CACNA1A: variants seen among roughly 807,000 people sequenced by gnomAD.
CACNA1A encodes calcium voltage-gated channel subunit alpha1 A.
A neutral mutation model predicts 262.4 loss-of-function variants in CACNA1A; 57 were observed. The observed-to-expected ratio is 0.22, with a 90% CI of 0.18 to 0.27. The LOEUF is 0.27. Ranked by LOEUF, CACNA1A falls within the 10% of genes least tolerant of loss-of-function variation. CACNA1A has a pLI of 1.00. For synonymous variants in CACNA1A, 1,431 were observed against 1,419.3 expected (o/e 1.01, Z -0.18); for missense variants, 2,526 against 3,562.8 (o/e 0.71, Z 7.41).
intron 6 of CACNA1A, among the ~76,000 whole-genome samples, chr19:13,340,942 C>CA (rs1193213351): frequency 6.6e-6 from 1 of 152,112 alleles, no homozygotes; most frequent in Non-Finnish European, 1.5e-5. Flanking sequence ...CACAGTGGCT[C>CA]ACATCTGCAG....
chr19:13,304,446 T>C (rs1171757693), intron 15 of CACNA1A, among the ~76,000 whole-genome samples: 1 of 151,754 alleles, frequency 6.6e-6, no homozygotes, highest in African/African-American at 2.4e-5. Flanking sequence ...CTGGGCAATA[T>C]AGCAAGACCC....
At chr19:13,379,489 G>A (rs1468118191) in intron 3 of CACNA1A, among the ~76,000 whole-genome samples, 3 of 152,156 alleles carry the variant, frequency 2.0e-5, no homozygotes, top group African/African-American at 4.8e-5. Flanking sequence ...TTAGGGCGAT[G>A]AGTGCTTAGG....
rs1488642116 is a variant in CACNA1A at position 13,241,650 on chromosome 19, C to T, written c.4950+3532G>A. On this transcript the variant is annotated intron_variant, in intron 31 of 46. Transcript: ENST00000360228. This position sits in a 1 kb window ranked among gnomAD's most constrained non-coding sequence, Gnocchi z 4.0. The stretch of plus-strand genomic sequence containing the variant: ...AAACCAATGGGTTTCGGTTCCCGGG[C>T]GGGGAGTGGGGGTGGTGGTGGCGGT... The T allele has an allele frequency of 1.6e-4, 53 of 322,920 alleles. 1 individual carries two copies. The East Asian group carries it at 2.1e-3, about 13-fold the overall frequency. 20.0% of individuals were successfully genotyped at this position (322,920 alleles called of 1,614,324 possible).
Position 13,298,616 on chromosome 19 carries a change from C to T in CACNA1A, c.3017G>A (p.Arg1006Gln), listed in dbSNP as rs1268938831. Residue 1006 changes from arginine (R) to glutamine (Q), a missense_variant, in exon 19 of 47, where the codon CGG (arginine) becomes CAG (glutamine). By Grantham distance (43) the Arg-to-Gln change is conservative. This residue lies in a region of CACNA1A where 765 missense variants were observed against 748.6 expected (regional missense o/e 1.02). Transcript: ENST00000360228. ...PDGGERRRRHRHGAPATYEGD... is the reference protein window; with the variant it reads ...PDGGERRRRHQHGAPATYEGD... The stretch of plus-strand genomic sequence containing the variant: ...CTCGTACGTGGCTGGAGCGCCATGC[C>T]GGTGCCTTCTCCTGCGCTCGCCCCC... 7 of 1,535,642 alleles carry T rather than the reference C, an allele frequency of 4.6e-6. No homozygotes were observed. The highest frequency in any genetic ancestry group is 2.0e-5 in the Admixed American group (1 of 49,774).
At chr19:13,499,132 G>C (rs1468227725) in intron 1 of CACNA1A, among the ~76,000 whole-genome samples, 1 of 151,998 alleles carries the variant, frequency 6.6e-6, no homozygotes, top group Admixed American at 6.6e-5. Context: ...TGGACACCTG[G>C]GGTGGCCATC....
At chr19:13,376,420 T>C (rs1478965354) in intron 3 of CACNA1A, among the ~76,000 whole-genome samples, 2 of 152,038 alleles carry the variant, frequency 1.3e-5, no homozygotes, top group Non-Finnish European at 2.9e-5. Context: ...TTAAGAATTA[T>C]GCTGAATCTA....
intron 38 of CACNA1A, among the ~76,000 whole-genome samples, chr19:13,215,915 G>A (rs1308385564): frequency 6.6e-6 from 1 of 152,036 alleles, no homozygotes; most frequent in Non-Finnish European, 1.5e-5. Flanking sequence ...AGGAAGTTTT[G>A]GTTTTGGTTT....
At chr19:13,442,566 A>C (rs73925308) in intron 3 of CACNA1A, among the ~76,000 whole-genome samples, 5,997 of 152,288 alleles carry the variant, frequency 0.039, 388 homozygotes, top group African/African-American at 0.13. Flanking sequence ...CAAGAATTTA[A>C]GTTTTTTTCC....
chr19:13,279,365 A>G (rs1387700128), intron 22 of CACNA1A, among the ~76,000 whole-genome samples: 2 of 152,074 alleles, frequency 1.3e-5, no homozygotes, highest in Admixed American at 1.3e-4. Flanking sequence ...CCCCAATAAG[A>G]TCTCACTCCA....
At chr19:13,326,974 C>T (rs1032348198) in intron 10 of CACNA1A, among the ~76,000 whole-genome samples, 6 of 151,728 alleles carry the variant, frequency 4.0e-5, no homozygotes, top group South Asian at 2.1e-4. Context: ...CTCACCGCAG[C>T]CTTGACCTCC....
intron 30 of CACNA1A, 45 bp downstream of exon 30, chr19:13,252,946 G>T: frequency 7.6e-7 from 1 of 1,319,330 alleles, no homozygotes; most frequent in Non-Finnish European, 1.1e-6. Context: ...GTTCCCCCTT[G>T]GGCTTCTCCC....
At chr19:13,229,311 G>C (rs1276009468) in intron 36 of CACNA1A, among the ~76,000 whole-genome samples, 1 of 152,122 alleles carries the variant, frequency 6.6e-6, no homozygotes, top group Admixed American at 6.5e-5. Flanking sequence ...GGCTGCTGAG[G>C]GCCCCCCAGT....
chr19:13,414,440 A>G (rs2060186675), intron 3 of CACNA1A, among the ~76,000 whole-genome samples: 1 of 152,152 alleles, frequency 6.6e-6, no homozygotes, highest in South Asian at 2.1e-4. Context: ...ACAATGTGCC[A>G]CATTAAGGAG....
intron 14 of CACNA1A, 85 bp from the exon 15 acceptor site, chr19:13,307,939 G>T: frequency 7.0e-7 from 1 of 1,424,588 alleles, no homozygotes; most frequent in Non-Finnish European, 9.8e-7. Context: ...CCAAGGAAAC[G>T]AACGTCTCCA....
chr19:13,479,931 A>G (rs1011583210), intron 1 of CACNA1A, among the ~76,000 whole-genome samples: 4 of 152,246 alleles, frequency 2.6e-5, no homozygotes, highest in African/African-American at 9.6e-5. Context: ...TTATTGGCAA[A>G]TGGCCATGCC....
chr19:13,326,671 C>T (rs2058368844), intron 10 of CACNA1A, among the ~76,000 whole-genome samples: 1 of 151,612 alleles, frequency 6.6e-6, no homozygotes, highest in Admixed American at 6.6e-5. Context: ...CACCTATAGT[C>T]CCAGCTACTT....
chr19:13,294,190 C>T (rs1436889861), intron 19 of CACNA1A, among the ~76,000 whole-genome samples: 1 of 131,426 alleles, frequency 7.6e-6, no homozygotes. Context: ...GGCAACAGAG[C>T]AAGACCCTGC....
chr19:13,443,496 C>T (rs1230663534), intron 3 of CACNA1A, among the ~76,000 whole-genome samples: 1 of 152,040 alleles, frequency 6.6e-6, no homozygotes. Flanking sequence ...CATGTACCAA[C>T]ATACCTGGCC....
At chr19:13,334,839 A>G (rs573134607) in intron 7 of CACNA1A, among the ~76,000 whole-genome samples, 1 of 152,134 alleles carries the variant, frequency 6.6e-6, no homozygotes, top group South Asian at 2.1e-4. Context: ...ATTTGAGACC[A>G]GCCTGGACAA....
Sources: allele counts gnomAD v4.1 joint callset (sites outside exome capture counted in the v4.1 genomes callset), GRCh38; gene constraint gnomAD v4.1.1; regional missense constraint gnomAD v4.1.1; non-coding constraint Gnocchi (gnomAD v3.1); transcripts MANE v1.5; gene names NCBI Gene and HGNC (gene_info 2026-07-23, HGNC 2026-07-21).